PIK3C3: variants seen among roughly 807,000 people sequenced by gnomAD.
The protein encoded by PIK3C3 is phosphatidylinositol 3-kinase catalytic subunit type 3.
PIK3C3 carries 95 observed loss-of-function variants against 126.1 expected under a neutral mutation model. That is an observed-to-expected ratio of 0.75 (90% CI 0.64 to 0.89). PIK3C3 has a LOEUF of 0.89. Ranked by LOEUF, PIK3C3 falls within the 40% of genes least tolerant of loss-of-function variation. PIK3C3 has a pLI of 0.00. For missense variants in PIK3C3, 829 were observed against 1,063.2 expected (o/e 0.78, Z 3.06); for synonymous variants, 374 against 360.0 (o/e 1.04, Z -0.44).
intron 2 of PIK3C3, among the ~76,000 whole-genome samples, chr18:41,960,624 AG>A (rs1980031095): frequency 2.0e-5 from 3 of 152,140 alleles, no homozygotes; most frequent in Admixed American, 2.0e-4. Context: ...ATTCGTGAAG[AG>A]GAGGAGAACG....
intron 3 of PIK3C3, among the ~76,000 whole-genome samples, 185 bp downstream of exon 3, chr18:41,962,817 T>G (rs1598846765): frequency 6.6e-6 from 1 of 152,200 alleles, no homozygotes; most frequent in Non-Finnish European, 1.5e-5. Flanking sequence ...ACAGATAGAT[T>G]AGGAAATACA....
intron 4 of PIK3C3, among the ~76,000 whole-genome samples, chr18:41,976,881 A>G (rs1262657564): frequency 6.6e-6 from 1 of 152,236 alleles, no homozygotes; most frequent in African/African-American, 2.4e-5. Context: ...ATGGTTACAT[A>G]TTTGGTAACT....
chr18:41,969,900 C>G (rs1027043216), intron 3 of PIK3C3, among the ~76,000 whole-genome samples: 6 of 152,134 alleles, frequency 3.9e-5, no homozygotes, highest in Non-Finnish European at 8.8e-5. Context: ...GGCAGTTTGA[C>G]TATATAGTCT....
chr18:42,052,407 T>C (rs1335905761), intron 21 of PIK3C3, among the ~76,000 whole-genome samples: 1 of 152,190 alleles, frequency 6.6e-6, no homozygotes, highest in Non-Finnish European at 1.5e-5. Flanking sequence ...TTTTTTCCTA[T>C]TAAAACAGCA....
At chr18:42,063,226 T>C (rs1322318972) in intron 22 of PIK3C3, among the ~76,000 whole-genome samples, 3 of 152,236 alleles carry the variant, frequency 2.0e-5, no homozygotes, top group African/African-American at 7.2e-5. Context: ...CATAAAATTA[T>C]CATGTTTATC....
intron 13 of PIK3C3, among the ~76,000 whole-genome samples, chr18:42,023,382 A>G (rs1191413431): frequency 6.6e-6 from 1 of 152,258 alleles, no homozygotes; most frequent in East Asian, 1.9e-4. Context: ...AGTTTCCAAC[A>G]TAGCAGCTGC....
At position 42,004,536 on chromosome 18, in the gene PIK3C3, G is replaced by A; in HGVS notation, c.1165G>A (p.Asp389Asn). The change falls in exon 10 of 25, where the codon GAT (aspartate) becomes AAT (asparagine). Residue 389 changes from aspartate to asparagine, a missense_variant. By Grantham distance (23) the Asp-to-Asn change is conservative. This residue lies in a region of PIK3C3 where 256 missense variants were observed against 291.0 expected (regional missense o/e 0.88). Transcript: ENST00000262039. Reference protein sequence around the residue: ...YAVARLRQADDEDLLMYLLQL... With the variant: ...YAVARLRQADNEDLLMYLLQL... ...TGTTGCCCGGTTGCGACAGGCCGATGATGAGGTGCATTATTATTTATTATT... is the reference window on the plus strand; with the variant it reads ...TGTTGCCCGGTTGCGACAGGCCGATAATGAGGTGCATTATTATTTATTATT... 1.3e-6 allele frequency: 2 copies of A among 1,586,962 alleles called. No individual in the cohort carries two copies. Among genetic ancestry groups the A allele is most frequent in the Non-Finnish European group, 1.7e-6 (2 of 1,172,480 alleles).
intron 4 of PIK3C3, among the ~76,000 whole-genome samples, chr18:41,976,671 C>G (rs1429420967): frequency 6.6e-6 from 1 of 152,154 alleles, no homozygotes; most frequent in Non-Finnish European, 1.5e-5. Flanking sequence ...ATTGTGAAGA[C>G]TAAGTGTAAA....
intron 21 of PIK3C3, among the ~76,000 whole-genome samples, chr18:42,052,078 C>G (rs1598934655): frequency 6.6e-6 from 1 of 152,030 alleles, no homozygotes; most frequent in East Asian, 1.9e-4. Flanking sequence ...CTACTTGATT[C>G]TTTTTTTGGA....
At chr18:42,031,070 A>G (rs987177620) in intron 15 of PIK3C3, among the ~76,000 whole-genome samples, 1 of 152,228 alleles carries the variant, frequency 6.6e-6, no homozygotes, top group African/African-American at 2.4e-5. Flanking sequence ...TAAAAGACAA[A>G]CAATTTTATT....
rs1986338986 is a variant in PIK3C3 at position 42,084,078 on chromosome 18, C to T, written c.*2941C>T. 1 of 152,218 alleles carries T rather than the reference C, an allele frequency of 6.6e-6. No homozygotes were observed. Among genetic ancestry groups the T allele is most frequent in the African/African-American group, 2.4e-5 (1 of 41,460 alleles). The allele number at this position is 152,218 out of a possible 1,614,324, so 9.4% of individuals were successfully genotyped here. On this transcript the variant is annotated 3_prime_UTR_variant, in exon 25 of 25. Transcript: ENST00000262039. Reference sequence around the variant, plus strand: ...ATTTCTAGGAAAGGTGTTGTGTCATCATGCCACATATTCATACTTTCCTTG... The same window carrying T: ...ATTTCTAGGAAAGGTGTTGTGTCATTATGCCACATATTCATACTTTCCTTG...
At chr18:42,052,673 G>C (rs1984856859) in intron 21 of PIK3C3, 1 of 152,092 alleles carries the variant, frequency 6.6e-6, no homozygotes, top group African/African-American at 2.4e-5. Context: ...TTTCAAAGTG[G>C]TTTTAAGTTA....
At chr18:41,987,738 G>A (rs1981559823) in intron 4 of PIK3C3, 74 bp from the exon 5 acceptor site, 3 of 889,050 alleles carry the variant, frequency 3.4e-6, no homozygotes, top group Non-Finnish European at 5.7e-6. Context: ...AGTGTACATT[G>A]CCATTCTGAC....
intron 4 of PIK3C3, among the ~76,000 whole-genome samples, chr18:41,974,566 C>T (rs890570497): frequency 6.6e-6 from 1 of 151,244 alleles, no homozygotes; most frequent in Middle Eastern, 3.2e-3. Context: ...CCCCCTGCCC[C>T]ATTTTCTTCT....
At chr18:41,971,151 TC>T (rs1452011550) in intron 4 of PIK3C3, 3 of 153,022 alleles carry the variant, frequency 2.0e-5, no homozygotes, top group African/African-American at 7.2e-5. Flanking sequence ...TTTGTGAACT[TC>T]CTTTCACAAA....
chr18:42,066,212 TAC>T (rs1429721660), intron 23 of PIK3C3, among the ~76,000 whole-genome samples: 156 of 152,336 alleles, frequency 1.0e-3, no homozygotes, highest in African/African-American at 3.7e-3. Context: ...TTCTTACATT[TAC>T]CTCTCTTTTA....
At chr18:42,025,056 C>T (rs1358240618) in intron 13 of PIK3C3, among the ~76,000 whole-genome samples, 1 of 152,016 alleles carries the variant, frequency 6.6e-6, no homozygotes, top group Non-Finnish European at 1.5e-5. Flanking sequence ...TCATGATCCG[C>T]CCACCTTGGC....
intron 19 of PIK3C3, 93 bp from the exon 20 acceptor site, chr18:42,043,640 G>A (rs1984426444): frequency 1.3e-6 from 1 of 764,320 alleles, no homozygotes; most frequent in South Asian, 1.6e-5. Context: ...TAAGCTTTAT[G>A]CTAGACACTT....
At chr18:41,996,065 C>A in intron 8 of PIK3C3, 71 bp downstream of exon 8, 3 of 957,610 alleles carry the variant, frequency 3.1e-6, no homozygotes, top group African/African-American at 1.6e-5. Flanking sequence ...ATAGCTATCA[C>A]CTCACTTAAA....
Sources: gnomAD v4.1 joint callset for allele counts (sites outside exome capture counted in the v4.1 genomes callset) on GRCh38, gnomAD v4.1.1 for gene constraint, gnomAD v4.1.1 regional missense constraint, MANE v1.5 for transcripts, NCBI Gene and HGNC (gene_info 2026-07-23, HGNC 2026-07-21) for gene names.